Variants in LIMCH1 observed in about 807,000 individuals in gnomAD.
LIMCH1 encodes LIM and calponin homology domains 1, also known as LIM and calponin homology domains-containing protein 1.
Under a neutral mutation model 176.5 loss-of-function variants are expected in LIMCH1, and 113 were observed. The ratio of observed to expected loss-of-function variants is 0.64; its 90% CI spans 0.55 to 0.75. The LOEUF is 0.75. Among genes scored for constraint, LIMCH1 ranks in the 30% least tolerant of loss-of-function variants. LIMCH1 has a pLI of 0.00. For missense variants in LIMCH1, 1,674 were observed against 1,814.9 expected (o/e 0.92, Z 1.41); for synonymous variants, 619 against 645.9 (o/e 0.96, Z 0.63).
intron 1 of LIMCH1, among the ~76,000 whole-genome samples, chr4:41,362,970 A>AGGACCAGGC (rs1230445425): frequency 7.9e-5 from 12 of 152,208 alleles, no homozygotes; most frequent in African/African-American, 2.9e-4. Context: ...GCGTGGCTTT[A>AGGACCAGGC]GGACCAGGCA....
intron 1 of LIMCH1, among the ~76,000 whole-genome samples, chr4:41,558,718 T>TTA (rs2081644378): frequency 1.3e-5 from 2 of 152,196 alleles, no homozygotes; most frequent in Non-Finnish European, 2.9e-5. Flanking sequence ...AAAGATGCAT[T>TTA]TGTGTATTTC....
At chr4:41,364,817 G>A (rs975127688) in intron 1 of LIMCH1, among the ~76,000 whole-genome samples, 1 of 151,740 alleles carries the variant, frequency 6.6e-6, no homozygotes, top group Admixed American at 6.6e-5. Context: ...ATTCACTGAG[G>A]TTGTGTCAAC....
At chr4:41,416,899 A>G (rs888198458) in intron 1 of LIMCH1, among the ~76,000 whole-genome samples, 2 of 152,194 alleles carry the variant, frequency 1.3e-5, no homozygotes, top group African/African-American at 4.8e-5. Flanking sequence ...ACTTACAAAT[A>G]GAACCAGTGT....
chr4:41,670,947 C>G, intron 21 of LIMCH1: 8 of 983,224 alleles, frequency 8.1e-6, no homozygotes, highest in Non-Finnish European at 9.7e-6. Context: ...ATATTACTAC[C>G]AGTTATGCTA....
At chr4:41,563,850 A>G (rs941911554) in intron 1 of LIMCH1, among the ~76,000 whole-genome samples, 1 of 152,178 alleles carries the variant, frequency 6.6e-6, no homozygotes, top group East Asian at 1.9e-4. Context: ...CATTTTGCCT[A>G]CTTCTTCATT....
intron 1 of LIMCH1, among the ~76,000 whole-genome samples, chr4:41,460,454 T>TTATATA (rs1561441509): frequency 1.6e-5 from 1 of 63,746 alleles, no homozygotes; most frequent in African/African-American, 1.8e-4. Context: ...ACTATAGTAA[T>TTATATA]CATCTATATA....
At chr4:41,492,060 G>A (rs2071163261) in intron 1 of LIMCH1, among the ~76,000 whole-genome samples, 1 of 152,226 alleles carries the variant, frequency 6.6e-6, no homozygotes, top group Non-Finnish European at 1.5e-5. Context: ...GCGGCTGGGA[G>A]GTGGAGGTTG....
At chr4:41,619,520 G>C in intron 6 of LIMCH1, 80 bp downstream of exon 6, 1 of 1,552,918 alleles carries the variant, frequency 6.4e-7, no homozygotes, top group South Asian at 1.1e-5. Context: ...CAGGAACGAG[G>C]TTAAATGACC....
At chr4:41,697,118 T>G in intron 31 of LIMCH1, 42 bp from the exon 32 acceptor site, 1 of 1,610,510 alleles carries the variant, frequency 6.2e-7, no homozygotes, top group Non-Finnish European at 8.5e-7. Flanking sequence ...GCGAGAAATG[T>G]TGCCTACCAC....
At chr4:41,573,377 A>G (rs1167484318) in intron 1 of LIMCH1, among the ~76,000 whole-genome samples, 3 of 152,268 alleles carry the variant, frequency 2.0e-5, no homozygotes, top group Non-Finnish European at 2.9e-5. Context: ...AAAATCATGC[A>G]TAGCAGTCCA....
At chr4:41,360,365 G>C (rs554032280), upstream of LIMCH1, among the ~76,000 whole-genome samples, 2 of 151,984 alleles carry the variant, frequency 1.3e-5, no homozygotes, top group African/African-American at 4.8e-5. This position sits in a 1 kb window ranked among gnomAD's most constrained non-coding sequence, Gnocchi z 4.5. Context: ...CCGGGCCCGG[G>C]TGCGCCCCAC....
intron 17 of LIMCH1, among the ~76,000 whole-genome samples, chr4:41,648,087 T>C (rs952826858): frequency 6.6e-6 from 1 of 152,212 alleles, no homozygotes; most frequent in Non-Finnish European, 1.5e-5. Flanking sequence ...TCATGTGTGC[T>C]CAGTGGTCCA....
intron 22 of LIMCH1, among the ~76,000 whole-genome samples, chr4:41,675,594 G>A (rs554697164): frequency 1.3e-4 from 20 of 152,116 alleles, no homozygotes; most frequent in African/African-American, 4.1e-4. Flanking sequence ...TGGGGCAGCC[G>A]ACTTTAAACA....
chr4:41,477,663 T>C (rs957376224), intron 1 of LIMCH1, among the ~76,000 whole-genome samples: 9 of 152,208 alleles, frequency 5.9e-5, no homozygotes, highest in African/African-American at 1.9e-4. Flanking sequence ...TCTTGACTTT[T>C]GGTTTTTGCC....
chr4:41,662,833 T>C lies in LIMCH1; in HGVS notation c.3140T>C (p.Phe1047Ser), dbSNP rs1206592347. ...IELASSEPQH[F>S]TTTVTRCSPT... Reference sequence around the variant, plus strand: ...AACTCCATTGCAGAACCACAGCATTTTACAACAACTGTGACTCGATGCAGC... The same window carrying C: ...AACTCCATTGCAGAACCACAGCATTCTACAACAACTGTGACTCGATGCAGC... The change falls in exon 20 of 32, where the codon TTT becomes TCT. Residue 1047 changes from phenylalanine to serine, a missense_variant. This residue lies in a region of LIMCH1 where 1,015 missense variants were observed against 1,102.5 expected (regional missense o/e 0.92). Transcript: ENST00000503057. The C allele has an allele frequency of 6.2e-7, 1 of 1,613,958 alleles. No homozygotes were observed. The highest frequency in any genetic ancestry group is 8.5e-7 in the Non-Finnish European group (1 of 1,179,972).
At chr4:41,590,126 G>A (rs549111240) in intron 1 of LIMCH1, among the ~76,000 whole-genome samples, 4 of 151,898 alleles carry the variant, frequency 2.6e-5, no homozygotes, top group East Asian at 1.9e-4. Context: ...ACAGGGTCTC[G>A]CTCTTGCCCA....
At chr4:41,654,731 C>T (rs957498388) in intron 18 of LIMCH1, among the ~76,000 whole-genome samples, 2 of 152,064 alleles carry the variant, frequency 1.3e-5, no homozygotes, top group African/African-American at 4.8e-5. Context: ...GAATCAAAGG[C>T]ATGGACAATG....
intron 24 of LIMCH1, among the ~76,000 whole-genome samples, chr4:41,680,638 A>G (rs1446768628): frequency 6.6e-6 from 1 of 152,204 alleles, no homozygotes; most frequent in Non-Finnish European, 1.5e-5. Context: ...CATGATTAAT[A>G]TTGTGAATTT....
rs11315408 is a variant in LIMCH1, at chr4:41,667,968, CAA to C, written c.3397+1316_3397+1317del. Among the ~76,000 whole-genome samples the C allele has an allele frequency of 5.7e-3, 799 of 140,232 alleles. 10 individuals are homozygous for C. The highest frequency in any genetic ancestry group is 0.019 in the African/African-American group (729 of 38,492). The allele number at this position is 140,232 out of a possible 152,430, so 92.0% of individuals were successfully genotyped here. On this transcript the variant is annotated intron_variant, in intron 21 of 31. Transcript: ENST00000503057. ...CAACATAGCAAGACTTTGTCGCTAC[CAA>C]AAAAAAAAAAAAATTTTAAATATAA...
Sources: gnomAD v4.1 joint callset for allele counts (sites outside exome capture counted in the v4.1 genomes callset) on GRCh38, gnomAD v4.1.1 for gene constraint, gnomAD v4.1.1 regional missense constraint, Gnocchi (gnomAD v3.1) non-coding constraint, MANE v1.5 for transcripts, NCBI Gene and HGNC (gene_info 2026-07-23, HGNC 2026-07-21) for gene names.